Variants in RBFOX1 observed in about 807,000 individuals in gnomAD.
RBFOX1 encodes RNA binding fox-1 homolog 1.
A neutral mutation model predicts 57.7 loss-of-function variants in RBFOX1; 8 were observed. That is an observed-to-expected ratio of 0.14 (90% confidence interval 0.08 to 0.25). RBFOX1 has a LOEUF of 0.25. Among genes scored for constraint, RBFOX1 ranks in the 10% least tolerant of loss-of-function variants. The pLI, the probability that RBFOX1 is intolerant of heterozygous loss-of-function variation, is 1.00. For missense variants in RBFOX1, 611 were observed against 548.5 expected (o/e 1.11, Z -1.14); for synonymous variants, 326 against 222.4 (o/e 1.47, Z -4.15).
intron 4 of RBFOX1, among the ~76,000 whole-genome samples, chr16:7,260,115 T>C (rs756464866): frequency 1.3e-5 from 2 of 152,220 alleles, no homozygotes; most frequent in Non-Finnish European, 2.9e-5. Flanking sequence ...TATGGATCCT[T>C]AAGCATGAAG....
chr16:6,976,797 T>TG (rs1568181294), intron 3 of RBFOX1, among the ~76,000 whole-genome samples: 12 of 142,472 alleles, frequency 8.4e-5, no homozygotes, highest in South Asian at 2.2e-4. Flanking sequence ...ATATATATGA[T>TG]ATATGAGATA....
At chr16:5,507,716 C>A (rs1279077966) in intron 2 of RBFOX1, among the ~76,000 whole-genome samples, 1 of 152,090 alleles carries the variant, frequency 6.6e-6, no homozygotes, top group Non-Finnish European at 1.5e-5. Context: ...AAAAGATGAA[C>A]TTTGGAAACA....
At chr16:7,658,058 C>T (rs1243315151) in intron 12 of RBFOX1, among the ~76,000 whole-genome samples, 3 of 152,088 alleles carry the variant, frequency 2.0e-5, no homozygotes, top group South Asian at 2.1e-4. Context: ...CCCATAGAGT[C>T]GATAGAGGGT....
intron 2 of RBFOX1, among the ~76,000 whole-genome samples, chr16:6,534,709 G>A (rs890785924): frequency 3.3e-5 from 5 of 152,240 alleles, no homozygotes; most frequent in African/African-American, 1.2e-4. Context: ...TTCTGCTGGG[G>A]GAGAAGCACA....
chr16:6,626,380 G>C (rs115881536), intron 2 of RBFOX1, among the ~76,000 whole-genome samples: 6 of 152,052 alleles, frequency 3.9e-5, no homozygotes, highest in Non-Finnish European at 7.4e-5. Context: ...GCTGAGGCTC[G>C]GGAGGGCTGA....
At chr16:5,361,689 G>A (rs1057251874) in intron 1 of RBFOX1, among the ~76,000 whole-genome samples, 1 of 152,208 alleles carries the variant, frequency 6.6e-6, no homozygotes, top group South Asian at 2.1e-4. Flanking sequence ...TTGCCGAGCA[G>A]TCAACTGAGA....
intron 3 of RBFOX1, among the ~76,000 whole-genome samples, chr16:6,759,473 CTGTGTGTGTGTGTGTG>C (rs71145287): frequency 0.079 from 11,315 of 143,094 alleles, 612 homozygotes; most frequent in South Asian, 0.25. Context: ...TGTCAGTTGT[CTGTGTGTGTGTGTGTG>C]TGTGTGTGTG....
intron 3 of RBFOX1, among the ~76,000 whole-genome samples, chr16:6,726,700 G>C (rs939995831): frequency 2.0e-5 from 3 of 152,136 alleles, no homozygotes; most frequent in Non-Finnish European, 4.4e-5. Flanking sequence ...CCCTGGGCTT[G>C]CCTGTGCGTT....
intron 2 of RBFOX1, among the ~76,000 whole-genome samples, chr16:6,644,906 C>G (rs76832663): frequency 6.6e-6 from 1 of 152,128 alleles, no homozygotes; most frequent in African/African-American, 2.4e-5. Flanking sequence ...ACAAAGAGCT[C>G]CTTGATCCTC....
At chr16:6,794,614 G>T (rs79371923) in intron 3 of RBFOX1, among the ~76,000 whole-genome samples, 4,951 of 152,152 alleles carry the variant, frequency 0.033, 222 homozygotes, top group East Asian at 0.23. Context: ...ATAAATCATG[G>T]AATAGTTTCT....
At chr16:5,636,074 A>G (rs1329052334) in intron 3 of RBFOX1, among the ~76,000 whole-genome samples, 1 of 152,086 alleles carries the variant, frequency 6.6e-6, no homozygotes, top group Admixed American at 6.5e-5. Context: ...AAAGGCTGGC[A>G]TGGTGGCTCA....
chr16:7,177,295 G>C (rs1380867349), intron 4 of RBFOX1, among the ~76,000 whole-genome samples: 2 of 152,064 alleles, frequency 1.3e-5, no homozygotes, highest in African/African-American at 2.4e-5. Flanking sequence ...AGTTCTACAA[G>C]CAAACAAACA....
intron 2 of RBFOX1, among the ~76,000 whole-genome samples, chr16:6,401,248 T>C (rs564825001): frequency 3.2e-4 from 49 of 152,242 alleles, no homozygotes; most frequent in African/African-American, 1.0e-3. Flanking sequence ...ACTGGCCAGA[T>C]CTGGGATAAT....
chr16:6,882,201 G>C (rs1354410588), intron 3 of RBFOX1, among the ~76,000 whole-genome samples: 1 of 152,076 alleles, frequency 6.6e-6, no homozygotes, highest in Non-Finnish European at 1.5e-5. Context: ...CTTTGGTCCA[G>C]CAACACTGGG....
At chr16:5,613,556 T>G (rs2047902841) in intron 3 of RBFOX1, among the ~76,000 whole-genome samples, 2 of 152,192 alleles carry the variant, frequency 1.3e-5, no homozygotes, top group South Asian at 4.1e-4. Context: ...AAATTTTCCT[T>G]TCTCATTATC....
At chr16:5,576,493 TGTA>T (rs2046461522) in intron 2 of RBFOX1, among the ~76,000 whole-genome samples, 1 of 152,180 alleles carries the variant, frequency 6.6e-6, no homozygotes, top group Non-Finnish European at 1.5e-5. Flanking sequence ...TTCATCTGTG[TGTA>T]TTGCAATTGC....
chr16:6,924,485 C>A (rs1272529372), intron 3 of RBFOX1, among the ~76,000 whole-genome samples: 1 of 151,970 alleles, frequency 6.6e-6, no homozygotes, highest in Non-Finnish European at 1.5e-5. Flanking sequence ...GAGGAAGCCA[C>A]CCCCATAACT....
chr16:7,538,367 T>A (rs3785259), intron 5 of RBFOX1, among the ~76,000 whole-genome samples: 26,865 of 152,086 alleles, frequency 0.18, 2,795 homozygotes, highest in East Asian at 0.34. Context: ...TCCTATGGTG[T>A]CCACTGTTAT....
At chr16:6,515,667 C>G (rs2096362212) in intron 2 of RBFOX1, among the ~76,000 whole-genome samples, 1 of 152,064 alleles carries the variant, frequency 6.6e-6, no homozygotes, top group Non-Finnish European at 1.5e-5. Flanking sequence ...CTTTAATCTG[C>G]CTGCCTTCTC....
Sources: allele counts gnomAD v4.1 joint callset (sites outside exome capture counted in the v4.1 genomes callset), GRCh38; gene constraint gnomAD v4.1.1; transcripts MANE v1.5; gene names NCBI Gene and HGNC (gene_info 2026-07-23, HGNC 2026-07-21).